MTAP: variants seen among roughly 807,000 people sequenced by gnomAD.
MTAP encodes S-methyl-5'-thioadenosine phosphorylase.
Under a neutral mutation model 33.6 loss-of-function variants are expected in MTAP, and 33 were observed. The observed-to-expected ratio is 0.98, with a 90% confidence interval of 0.74 to 1.31. The LOEUF is 1.31. MTAP is among the 40% of genes most tolerant of loss of function. The pLI is 0.00. For synonymous variants in MTAP, 148 were observed against 125.7 expected (o/e 1.18, Z -1.19); for missense variants, 367 against 360.0 (o/e 1.02, Z -0.16).
intron 1 of MTAP, among the ~76,000 whole-genome samples, chr9:21,883,564 A>G (rs1818052307): frequency 6.6e-6 from 1 of 152,048 alleles, no homozygotes; most frequent in African/African-American, 2.4e-5. Context: ...TGGAACTTTA[A>G]TATCAGACTT....
chr9:21,871,879 TACA>T (rs1825943208), downstream of MTAP, among the ~76,000 whole-genome samples: 1 of 152,194 alleles, frequency 6.6e-6, no homozygotes, highest in Non-Finnish European at 1.5e-5. Context: ...GAAAATGACT[TACA>T]TATTAGGTGT....
chr9:21,871,414 C>T (rs1825935223), downstream of MTAP, among the ~76,000 whole-genome samples: 1 of 152,136 alleles, frequency 6.6e-6, no homozygotes. Flanking sequence ...TTTTATCTGA[C>T]TCACTGTCTG....
intron 1 of MTAP, chr9:21,803,267 T>G (rs1824112882): frequency 3.6e-6 from 1 of 274,066 alleles, no homozygotes; most frequent in South Asian, 1.6e-4. Flanking sequence ...CTCTGCTTGT[T>G]GCCTGCGGCC....
intron 1 of MTAP, among the ~76,000 whole-genome samples, chr9:21,897,377 C>G (rs552533727): frequency 6.6e-6 from 1 of 152,222 alleles, no homozygotes; most frequent in African/African-American, 2.4e-5. Flanking sequence ...GAAGTTCTAG[C>G]CAGGGCAATC....
chr9:21,810,373 A>G (rs1824315423), intron 1 of MTAP, among the ~76,000 whole-genome samples: 2 of 152,202 alleles, frequency 1.3e-5, no homozygotes, highest in Non-Finnish European at 2.9e-5. Flanking sequence ...TATAAAGAGA[A>G]GAGGTTTATT....
chr9:21,887,296 G>A (rs912374598), intron 1 of MTAP, among the ~76,000 whole-genome samples: 4 of 150,770 alleles, frequency 2.7e-5, no homozygotes, highest in African/African-American at 9.8e-5. Flanking sequence ...GATGTGTGAT[G>A]TTCCCCTTCC....
intron 4 of MTAP, among the ~76,000 whole-genome samples, chr9:21,831,090 A>T (rs1321130114): frequency 2.6e-5 from 4 of 152,102 alleles, no homozygotes; most frequent in African/African-American, 9.7e-5. Context: ...TTCTTGTTAG[A>T]TACCTTTGCA....
chr9:21,853,043 G>C (rs1170402880), intron 5 of MTAP, among the ~76,000 whole-genome samples: 1 of 152,168 alleles, frequency 6.6e-6, no homozygotes, highest in African/African-American at 2.4e-5. Flanking sequence ...TTAAGATAGT[G>C]TTAGCTGTTC....
At position 21,813,574 on chromosome 9, in the gene MTAP, C is replaced by G. The variant is rs530519470; in HGVS notation, c.34-1859C>G. Among the ~76,000 whole-genome samples, 11 of 152,312 alleles carry G rather than the reference C, an allele frequency of 7.2e-5. No individual in the cohort carries two copies. The South Asian group carries it at 2.1e-3, about 29-fold the overall frequency. The stretch of plus-strand genomic sequence containing the variant: ...CCTAAACTCAGAGGGTGGCTCCAAA[C>G]AAAGCCCAACTCGATTTGTGTATTT... On this transcript the variant is annotated intron_variant, in intron 1 of 7. Coordinates refer to ENST00000644715, the MANE Select transcript of MTAP (RefSeq NM_002451.4).
Position 21,866,382 on chromosome 9 carries a change from G to C in MTAP, c.*4368G>C, listed in dbSNP as rs763108133. The C allele has an allele frequency of 2.6e-5, 4 of 151,912 alleles. No individual in the cohort carries two copies. The highest frequency in any genetic ancestry group is 7.3e-5 in the African/African-American group (3 of 41,342). 9.4% of individuals were successfully genotyped at this position (151,912 alleles called of 1,614,324 possible). A position where few individuals can be genotyped will look rare whatever the true frequency, so the allele number is the denominator to read the frequency against. ...CAAAGAACAAGTTTTTCATTTTGAC[G>C]AAGCCTAGTTTATCAATTTTTTTTA... On this transcript the variant is annotated 3_prime_UTR_variant, in exon 8 of 8. Coordinates refer to ENST00000644715, the MANE Select transcript of MTAP (RefSeq NM_002451.4).
At chr9:21,904,176 G>C (rs1405028903) in intron 1 of MTAP, among the ~76,000 whole-genome samples, 1 of 152,152 alleles carries the variant, frequency 6.6e-6, no homozygotes, top group Non-Finnish European at 1.5e-5. Flanking sequence ...GGTGCCTGCT[G>C]ATGTGCTCCT....
chr9:21,933,611 C>T (rs910005587), downstream of MTAP: 1 of 152,168 alleles, frequency 6.6e-6, no homozygotes, highest in Non-Finnish European at 1.5e-5. Context: ...TGTTTTTTCT[C>T]CCAGAAACAG....
At chr9:21,826,689 CA>C (rs1824817917) in intron 4 of MTAP, among the ~76,000 whole-genome samples, 1 of 150,690 alleles carries the variant, frequency 6.6e-6, no homozygotes, top group African/African-American at 2.4e-5. Context: ...TTTACCCCCC[CA>C]AAAAAACAAC....
chr9:21,866,154 C>T lies in MTAP; in HGVS notation c.*4140C>T, dbSNP rs1825849580. On this transcript the variant is annotated 3_prime_UTR_variant, in exon 8 of 8. Transcript: ENST00000644715. Reference sequence around the variant, plus strand: ...TTTTCTGATTAAAGATGTTGAACTTCTTTTCATGTGCTTATTGGCCATTCA... The same window carrying T: ...TTTTCTGATTAAAGATGTTGAACTTTTTTTCATGTGCTTATTGGCCATTCA... 1 of 152,070 alleles carries T rather than the reference C, an allele frequency of 6.6e-6. No individual in the cohort carries two copies. The highest frequency in any genetic ancestry group is 2.4e-5 in the African/African-American group (1 of 41,410). The allele number at this position is 152,070 out of a possible 1,614,324, so 9.4% of individuals were successfully genotyped here.
At chr9:21,825,127 A>G (rs899671921) in intron 4 of MTAP, among the ~76,000 whole-genome samples, 7 of 152,134 alleles carry the variant, frequency 4.6e-5, no homozygotes, top group Non-Finnish European at 8.8e-5. Flanking sequence ...CTGTCCGACA[A>G]GCCCCAGTGA....
chr9:21,835,145 G>A (rs1381424491), intron 4 of MTAP, among the ~76,000 whole-genome samples: 4 of 152,256 alleles, frequency 2.6e-5, no homozygotes, highest in Middle Eastern at 3.4e-3. Flanking sequence ...GTAGAAGGGC[G>A]ACCTAGCTCT....
At position 21,853,904 on chromosome 9, in the gene MTAP, A is replaced by C. The variant is rs559199052; in HGVS notation, c.451-727A>C. 5.3e-5 allele frequency among the ~76,000 whole-genome samples: 8 copies of C among 152,346 alleles called. No individual in the cohort carries two copies. The East Asian group carries it at 1.5e-3, about 29-fold the overall frequency. ...TTTAATTAAAAGGGAATATTGAATAAGCTAAGAAAAAATGAAGGTAATTAA... is the reference window on the plus strand; with the variant it reads ...TTTAATTAAAAGGGAATATTGAATACGCTAAGAAAAAATGAAGGTAATTAA... On this transcript the variant is annotated intron_variant, in intron 5 of 7. Coordinates refer to ENST00000644715, the MANE Select transcript of MTAP (RefSeq NM_002451.4).
chr9:21,858,624 C>T (rs1375061725), intron 6 of MTAP, among the ~76,000 whole-genome samples: 1 of 152,182 alleles, frequency 6.6e-6, no homozygotes, highest in Non-Finnish European at 1.5e-5. Flanking sequence ...CTAAACCATT[C>T]GTGAGAAATC....
intron 1 of MTAP, among the ~76,000 whole-genome samples, chr9:21,915,164 GCTCCAC>G (rs1818667792): frequency 6.6e-6 from 1 of 150,992 alleles, no homozygotes; most frequent in Admixed American, 6.6e-5. Flanking sequence ...CTCACTGCAA[GCTCCAC>G]CTCTGCCTCC....
Sources: gnomAD v4.1 joint callset for allele counts (sites outside exome capture counted in the v4.1 genomes callset) on GRCh38, gnomAD v4.1.1 for gene constraint, MANE v1.5 for transcripts, NCBI Gene and HGNC (gene_info 2026-07-23, HGNC 2026-07-21) for gene names.